Variants in KIF6 observed in about 807,000 individuals in gnomAD.
KIF6 encodes the protein kinesin-like protein KIF6.
KIF6 carries 106 observed loss-of-function variants against 112.7 expected under a neutral mutation model. The observed-to-expected ratio is 0.94, with a 90% CI of 0.80 to 1.11. KIF6 has a LOEUF of 1.11. Among genes scored for constraint, KIF6 ranks in the 50% least tolerant of loss-of-function variants. The pLI is 0.00. For missense variants in KIF6, 929 were observed against 964.0 expected (o/e 0.96, Z 0.48); for synonymous variants, 339 against 339.9 (o/e 1.00, Z 0.03).
At chr6:39,587,833 T>C (rs571053521) in intron 7 of KIF6, among the ~76,000 whole-genome samples, 1 of 152,324 alleles carries the variant, frequency 6.6e-6, no homozygotes, top group Admixed American at 6.5e-5. Flanking sequence ...CTGAATTAAT[T>C]TCCCTTTCAT....
intron 9 of KIF6, among the ~76,000 whole-genome samples, chr6:39,582,387 CT>C (rs1036426287): frequency 6.6e-6 from 1 of 151,988 alleles, no homozygotes; most frequent in Admixed American, 6.6e-5. Flanking sequence ...GGTACCAATA[CT>C]TTTTTTGTTT....
chr6:39,479,730 C>T (rs1357397277), intron 13 of KIF6, among the ~76,000 whole-genome samples: 1 of 152,134 alleles, frequency 6.6e-6, no homozygotes, highest in Admixed American at 6.5e-5. Flanking sequence ...CATCCATGAG[C>T]ATGGGATGTG....
chr6:39,381,868 G>A (rs1766978721), intron 16 of KIF6, among the ~76,000 whole-genome samples: 1 of 152,202 alleles, frequency 6.6e-6, no homozygotes, highest in Non-Finnish European at 1.5e-5. Context: ...GATTACTTCA[G>A]GCAAAGCTAG....
chr6:39,424,065 C>T lies in KIF6; in HGVS notation c.1755-4062G>A, dbSNP rs1253527073. On this transcript the variant is annotated intron_variant, in intron 14 of 22. Coordinates refer to ENST00000287152, the MANE Select transcript of KIF6 (RefSeq NM_145027.6). ...CTAACAGGGCGAAGTAGACTCTTCA[C>T]GCTCTGGCTCCTGCTGCCTTCTCCA... Among the ~76,000 whole-genome samples the T allele has an allele frequency of 5.3e-5, 8 of 152,336 alleles. 1 individual carries two copies. Among genetic ancestry groups the T allele is most frequent in the South Asian group, 4.1e-4 (2 of 4,830 alleles).
chr6:39,563,035 G>C (rs1780091882), intron 10 of KIF6, among the ~76,000 whole-genome samples: 1 of 152,144 alleles, frequency 6.6e-6, no homozygotes, highest in Admixed American at 6.5e-5. Context: ...GAGGTCAGGA[G>C]TTCGAGACCA....
In KIF6 at chr6:39,639,314, T is replaced by C. The variant is rs557544076; in HGVS notation, c.399+296A>G. ...ACATTCCTCAGTTTCTTGAGGAATA[T>C]AAGATATTAGTTGGTAAAAGGTGTT... is the stretch of plus-strand genomic sequence containing the variant. On this transcript the variant is annotated intron_variant, in intron 4 of 22. Transcript: ENST00000287152. 1.1e-4 allele frequency among the ~76,000 whole-genome samples: 16 copies of C among 152,188 alleles called. No individual in the cohort carries two copies. The East Asian group carries it at 3.1e-3, about 29-fold the overall frequency.
chr6:39,535,741 C>T (rs1487212012), intron 13 of KIF6, among the ~76,000 whole-genome samples: 1 of 152,180 alleles, frequency 6.6e-6, no homozygotes, highest in African/African-American at 2.4e-5. Flanking sequence ...ACTCTCCACC[C>T]AAAATCAACA....
At position 39,714,603 on chromosome 6, in the gene KIF6, T is replaced by A. The variant is rs937419330; in HGVS notation, c.251+89A>T. 4.9e-6 allele frequency: 4 copies of A among 814,990 alleles called. No individual in the cohort carries two copies. The African/African-American group carries it at 6.9e-5, about 14-fold the overall frequency. 50.5% of individuals were successfully genotyped at this position (814,990 alleles called of 1,614,324 possible). A position where few individuals can be genotyped will look rare whatever the true frequency, so the allele number is the denominator to read the frequency against. On this transcript the variant is annotated intron_variant, in intron 3 of 22. Transcript: ENST00000287152. Reference sequence around the variant, plus strand: ...TCCTGCAGCCTAAGTATATAATTGATACACTTAAGCACACTACCACAGTTA... The same window carrying A: ...TCCTGCAGCCTAAGTATATAATTGAAACACTTAAGCACACTACCACAGTTA...
intron 3 of KIF6, among the ~76,000 whole-genome samples, chr6:39,665,685 T>A (rs956022929): frequency 2.0e-5 from 3 of 152,188 alleles, no homozygotes; most frequent in Admixed American, 2.0e-4. Context: ...ATTAATTATA[T>A]TTTGAAGTCT....
At chr6:39,484,722 TG>T (rs1442842953) in intron 13 of KIF6, among the ~76,000 whole-genome samples, 1 of 152,218 alleles carries the variant, frequency 6.6e-6, no homozygotes, top group Non-Finnish European at 1.5e-5. Flanking sequence ...CTATAAACCT[TG>T]GGGCTATTTT....
At chr6:39,657,498 C>T (rs1785871936) in intron 3 of KIF6, among the ~76,000 whole-genome samples, 1 of 152,066 alleles carries the variant, frequency 6.6e-6, no homozygotes, top group Non-Finnish European at 1.5e-5. Context: ...GACCAAACAA[C>T]TAAATCTCCA....
At chr6:39,640,627 T>A (rs1582339640) in intron 3 of KIF6, among the ~76,000 whole-genome samples, 1 of 152,080 alleles carries the variant, frequency 6.6e-6, no homozygotes, top group East Asian at 1.9e-4. Flanking sequence ...CCCTCACTGT[T>A]CATATTAGAA....
chr6:39,708,952 T>C (rs866237885), intron 3 of KIF6, among the ~76,000 whole-genome samples: 32 of 150,828 alleles, frequency 2.1e-4, no homozygotes, highest in Non-Finnish European at 1.8e-4. Context: ...ACCATAGACA[T>C]TTGTAGACTT....
intron 21 of KIF6, among the ~76,000 whole-genome samples, chr6:39,344,268 C>G (rs1763543133): frequency 6.6e-6 from 1 of 152,202 alleles, no homozygotes; most frequent in Non-Finnish European, 1.5e-5. Flanking sequence ...GTGCCTTTCA[C>G]CATGATTGTG....
At chr6:39,505,578 G>A (rs1263310119) in intron 13 of KIF6, among the ~76,000 whole-genome samples, 2 of 152,174 alleles carry the variant, frequency 1.3e-5, no homozygotes, top group African/African-American at 4.8e-5. Flanking sequence ...TACAGAATGG[G>A]AGAGAATTTT....
intron 15 of KIF6, among the ~76,000 whole-genome samples, chr6:39,416,169 T>G (rs1305911170): frequency 2.0e-5 from 3 of 152,230 alleles, no homozygotes; most frequent in South Asian, 2.1e-4. Flanking sequence ...CTTAAGCCAG[T>G]GAACAGCCAT....
At chr6:39,507,492 G>C (rs1385011836) in intron 13 of KIF6, among the ~76,000 whole-genome samples, 2 of 152,070 alleles carry the variant, frequency 1.3e-5, no homozygotes, top group Non-Finnish European at 2.9e-5. Flanking sequence ...GAGGCCCTTG[G>C]TGGGCTGTTC....
intron 3 of KIF6, among the ~76,000 whole-genome samples, chr6:39,713,557 T>G (rs1789674778): frequency 6.6e-6 from 1 of 152,070 alleles, no homozygotes; most frequent in East Asian, 1.9e-4. Context: ...AAAAGAAACT[T>G]AAGGTTCCCT....
chr6:39,430,106 C>A (rs1771047362), intron 14 of KIF6, among the ~76,000 whole-genome samples: 1 of 152,092 alleles, frequency 6.6e-6, no homozygotes, highest in Non-Finnish European at 1.5e-5. Context: ...AGCCGGCTCT[C>A]CTCTTGACTT....
Sources: gnomAD v4.1 joint callset for allele counts (sites outside exome capture counted in the v4.1 genomes callset) on GRCh38, gnomAD v4.1.1 for gene constraint, MANE v1.5 for transcripts, NCBI Gene and HGNC (gene_info 2026-07-23, HGNC 2026-07-21) for gene names.